USP25: variants seen among roughly 807,000 people sequenced by gnomAD.
The protein encoded by USP25 is ubiquitin carboxyl-terminal hydrolase 25.
USP25 carries 85 observed loss-of-function variants against 158.5 expected under a neutral mutation model. That is an observed-to-expected ratio of 0.54 (90% CI 0.45 to 0.64). The LOEUF (loss-of-function observed/expected upper bound fraction) is 0.64. Ranked by LOEUF, USP25 falls within the 30% of genes least tolerant of loss-of-function variation. The pLI, the probability that USP25 is intolerant of heterozygous loss-of-function variation, is 0.00. For synonymous variants in USP25, 464 were observed against 460.4 expected (o/e 1.01, Z -0.10); for missense variants, 1,242 against 1,327.3 (o/e 0.94, Z 1.00).
chr21:15,766,287 AACAT>A lies in USP25; in HGVS notation c.268+151_268+154del. Reference sequence around the variant, plus strand: ...GGTTCTTTTTAATGTAGTTGAAAGGAACATACATTATCTTTTTCAGATTATAAGG... The same window carrying A: ...GGTTCTTTTTAATGTAGTTGAAAGGAACATTATCTTTTTCAGATTATAAGG... On this transcript the variant is annotated intron_variant, in intron 3 of 25. Transcript: ENST00000400183. The surrounding 1 kb of genome is among the most constrained non-coding windows in gnomAD (Gnocchi z 4.0). 1 of 591,092 alleles carries A rather than the reference AACAT, an allele frequency of 1.7e-6. No homozygotes were observed. The highest frequency in any genetic ancestry group is 2.6e-6 in the Non-Finnish European group (1 of 385,866). The allele number at this position is 591,092 out of a possible 1,614,324, so 36.6% of individuals were successfully genotyped here. A position where few individuals can be genotyped will look rare whatever the true frequency, so the allele number is the denominator to read the frequency against.
In USP25 at chr21:15,879,514, A is replaced by T. The variant is rs1461273270; in HGVS notation, c.*1039A>T. ...AGTTATGAGTATCTTAACTGCCTTT[A>T]TTCCTTTTCAAAAAGGAAAAAGCTG... On this transcript the variant is annotated 3_prime_UTR_variant, in exon 26 of 26. Coordinates refer to ENST00000400183, the MANE Select transcript of USP25 (RefSeq NM_001283041.3). 1 of 152,456 alleles carries T rather than the reference A, an allele frequency of 6.6e-6. No individual in the cohort carries two copies. The highest frequency in any genetic ancestry group is 6.6e-5 in the Admixed American group (1 of 15,244). The allele number at this position is 152,456 out of a possible 1,614,324, so 9.4% of individuals were successfully genotyped here. A position where few individuals can be genotyped will look rare whatever the true frequency, so the allele number is the denominator to read the frequency against.
chr21:15,805,082 A>C (rs371046531), intron 6 of USP25, 39 bp from the exon 7 acceptor site: 31 of 1,536,944 alleles, frequency 2.0e-5, no homozygotes, highest in Middle Eastern at 1.8e-4. Context: ...CTTAATCTTC[A>C]GTTAAGGTGT....
chr21:15,797,719 C>A (rs1325364364), intron 5 of USP25, among the ~76,000 whole-genome samples: 1 of 151,178 alleles, frequency 6.6e-6, no homozygotes, highest in Non-Finnish European at 1.5e-5. Context: ...AAAGAATAGT[C>A]CATGGTTTGT....
intron 4 of USP25, among the ~76,000 whole-genome samples, chr21:15,786,943 C>G (rs1454736329): frequency 6.6e-6 from 1 of 151,918 alleles, no homozygotes; most frequent in Non-Finnish European, 1.5e-5. Flanking sequence ...AATTAACACA[C>G]AAAAATCAGC....
chr21:15,854,236 C>G (rs1326120710), intron 20 of USP25, among the ~76,000 whole-genome samples: 2 of 152,104 alleles, frequency 1.3e-5, no homozygotes, highest in Non-Finnish European at 2.9e-5. Context: ...ACCTCTGCCT[C>G]CCAGGTTCGA....
Position 15,766,040 on chromosome 21 carries a change from C to T in USP25, c.167C>T (p.Ala56Val), listed in dbSNP as rs377694221. 7.4e-5 allele frequency: 119 copies of T among 1,608,370 alleles called. No homozygotes were observed. Among genetic ancestry groups the T allele is most frequent in the Non-Finnish European group, 6.5e-5 (76 of 1,177,032 alleles). Residue 56 changes from alanine to valine, a missense_variant, in exon 3 of 26, where the codon GCG becomes GTG. Physicochemically the swap from Ala to Val is moderately conservative, Grantham distance 64. Around this residue, in one of 3 missense-constraint regions of USP25, gnomAD observed 627 missense variants for 701.4 expected, o/e 0.89. Coordinates refer to ENST00000400183, the MANE Select transcript of USP25 (RefSeq NM_001283041.3). This position sits in a 1 kb window ranked among gnomAD's most constrained non-coding sequence, Gnocchi z 4.0. ...GAATTAGCAGTGGCTTTCCTTACTGCGAAGAATGCTAAGACCCCTCAGCAG... is the reference window on the plus strand; with the variant it reads ...GAATTAGCAGTGGCTTTCCTTACTGTGAAGAATGCTAAGACCCCTCAGCAG... ...NLELAVAFLTAKNAKTPQQEE... is the reference protein window; with the variant it reads ...NLELAVAFLTVKNAKTPQQEE...
chr21:15,857,390 C>T (rs1447478144), intron 20 of USP25, among the ~76,000 whole-genome samples: 1 of 152,056 alleles, frequency 6.6e-6, no homozygotes, highest in Admixed American at 6.6e-5. Flanking sequence ...ATTTTAAATA[C>T]TAGTATTATC....
At chr21:15,823,697 T>G (rs1288775821) in intron 10 of USP25, among the ~76,000 whole-genome samples, 3 of 152,188 alleles carry the variant, frequency 2.0e-5, no homozygotes, top group Non-Finnish European at 4.4e-5. Context: ...CAACATCACG[T>G]TGAAGAAGAC....
chr21:15,800,279 C>T (rs189776772), intron 6 of USP25, among the ~76,000 whole-genome samples: 1 of 151,296 alleles, frequency 6.6e-6, no homozygotes, highest in Admixed American at 6.6e-5. Flanking sequence ...TTGGAAGTGA[C>T]TGTCATAGAT....
intron 18 of USP25, among the ~76,000 whole-genome samples, chr21:15,847,330 C>T (rs2038669538): frequency 6.6e-6 from 1 of 152,074 alleles, no homozygotes; most frequent in African/African-American, 2.4e-5. Flanking sequence ...TAAATACTTT[C>T]AGGGAAAAAT....
chr21:15,741,687 G>A (rs1034903304), intron 1 of USP25, among the ~76,000 whole-genome samples: 4 of 152,018 alleles, frequency 2.6e-5, no homozygotes, highest in African/African-American at 9.7e-5. Flanking sequence ...ACTCCTACAC[G>A]ATAGGAATCA....
chr21:15,806,786 T>C (rs1035532572), intron 7 of USP25, among the ~76,000 whole-genome samples: 1 of 152,226 alleles, frequency 6.6e-6, no homozygotes, highest in Non-Finnish European at 1.5e-5. Flanking sequence ...GTAAGCATCA[T>C]GATTTTTTTA....
chr21:15,760,722 A>G (rs1440346275), intron 1 of USP25, among the ~76,000 whole-genome samples: 1 of 152,208 alleles, frequency 6.6e-6, no homozygotes, highest in Non-Finnish European at 1.5e-5. Context: ...TTCAAATTTA[A>G]AGTTGCAAGA....
intron 1 of USP25, among the ~76,000 whole-genome samples, 182 bp downstream of exon 1, chr21:15,730,620 C>T (rs1326965226): frequency 6.6e-6 from 1 of 152,228 alleles, no homozygotes; most frequent in East Asian, 1.9e-4. Context: ...GTGTGGGAAG[C>T]AGAGTGTAGT....
chr21:15,766,190 A>T lies in USP25; in HGVS notation c.268+49A>T, dbSNP rs372904808. ...TATTTTAATAGAAACATACTGAAAA[A>T]CTTTTCTTGGTGTAATATATTAATG... On this transcript the variant is annotated intron_variant, in intron 3 of 25. Transcript: ENST00000400183. The surrounding 1 kb of genome is among the most constrained non-coding windows in gnomAD (Gnocchi z 4.0). 3 of 1,531,392 alleles carry T rather than the reference A, an allele frequency of 2.0e-6. No homozygotes were observed. In the African/African-American group the frequency reaches 4.2e-5, roughly 22 times the overall value. The allele number at this position is 1,531,392 out of a possible 1,614,324, so 94.9% of individuals were successfully genotyped here.
chr21:15,782,105 C>A (rs548837973), intron 4 of USP25, among the ~76,000 whole-genome samples: 2 of 152,312 alleles, frequency 1.3e-5, no homozygotes, highest in Non-Finnish European at 2.9e-5. Flanking sequence ...ATACCTAAAC[C>A]CACAAGGCTC....
intron 19 of USP25, 33 bp from the exon 20 acceptor site, chr21:15,849,744 C>T: frequency 6.8e-7 from 1 of 1,467,574 alleles, no homozygotes; most frequent in African/African-American, 1.4e-5. Context: ...AGTTTAAAAA[C>T]CTTTTTTTAA....
At chr21:15,869,545 A>G (rs899175943) in intron 22 of USP25, among the ~76,000 whole-genome samples, 2 of 152,118 alleles carry the variant, frequency 1.3e-5, no homozygotes, top group African/African-American at 2.4e-5. Flanking sequence ...TTCTTTTACC[A>G]TATCTCATGT....
Position 15,866,275 on chromosome 21 carries a change from C to T in USP25, c.2736C>T (p.Asn912=), listed in dbSNP as rs369874255. 2.5e-5 allele frequency: 40 copies of T among 1,600,484 alleles called. No individual in the cohort carries two copies. The highest frequency in any genetic ancestry group is 3.3e-5 in the Non-Finnish European group (39 of 1,173,576). ...TGTGTTTTTTTTTAAGGTGTCACAA[C>T]ATAATGAAAGTTGCTCAAGCCAAAC... is the stretch of plus-strand genomic sequence containing the variant. The part of the protein sequence containing the change: ...RNLSFDERCH[N]IMKVAQAKLE... Residue 912 remains asparagine, a synonymous_variant, in exon 22 of 26, where the codon AAC becomes AAT. Coordinates refer to ENST00000400183, the MANE Select transcript of USP25 (RefSeq NM_001283041.3).
Sources: gnomAD v4.1 joint callset for allele counts (sites outside exome capture counted in the v4.1 genomes callset) on GRCh38, gnomAD v4.1.1 for gene constraint, gnomAD v4.1.1 regional missense constraint, Gnocchi (gnomAD v3.1) non-coding constraint, MANE v1.5 for transcripts, NCBI Gene and HGNC (gene_info 2026-07-23, HGNC 2026-07-21) for gene names.